The following MBTD1 variants were observed in gnomAD, a reference collection of about 807,000 sequenced individuals.
The protein encoded by MBTD1 is MBT domain-containing protein 1.
Under a neutral mutation model 87.8 loss-of-function variants are expected in MBTD1, and 24 were observed. The observed-to-expected ratio is 0.27, with a 90% CI of 0.20 to 0.38. The LOEUF (loss-of-function observed/expected upper bound fraction) is 0.38. Ranked by LOEUF, MBTD1 falls within the 10% of genes least tolerant of loss-of-function variation. The pLI is 1.00. For synonymous variants in MBTD1, 237 were observed against 248.6 expected, an observed-to-expected ratio of 0.95 and a Z score of 0.44; for missense variants, 436 against 760.2, an observed-to-expected ratio of 0.57 and a Z score of 5.02.
intron 3 of MBTD1, among the ~76,000 whole-genome samples, chr17:51,221,472 A>G (rs1216563691): frequency 2.0e-5 from 3 of 152,238 alleles, no homozygotes; most frequent in Non-Finnish European, 4.4e-5. Flanking sequence ...GAAGTTTAAA[A>G]AAGATAAACA....
intron 2 of MBTD1, among the ~76,000 whole-genome samples, chr17:51,247,366 A>G (rs1483099650): frequency 6.6e-6 from 1 of 151,914 alleles, no homozygotes; most frequent in Non-Finnish European, 1.5e-5. Flanking sequence ...ATAGTTTTTC[A>G]TTAGTATCTG....
intron 4 of MBTD1, among the ~76,000 whole-genome samples, chr17:51,219,845 T>C (rs1234751772): frequency 1.3e-5 from 2 of 152,224 alleles, no homozygotes; most frequent in Admixed American, 1.3e-4. Flanking sequence ...TTTCTTTCCA[T>C]ACCATGAGCG....
At chr17:51,181,537 T>G (rs1015371988) in intron 16 of MBTD1, among the ~76,000 whole-genome samples, 3 of 152,196 alleles carry the variant, frequency 2.0e-5, no homozygotes, top group African/African-American at 7.2e-5. Context: ...TGCAAGCCTG[T>G]AGTCCCAGCT....
intron 2 of MBTD1, among the ~76,000 whole-genome samples, chr17:51,238,004 A>C (rs1268345802): frequency 1.3e-5 from 2 of 152,184 alleles, no homozygotes; most frequent in African/African-American, 2.4e-5. Flanking sequence ...CCAGACCCAA[A>C]AACGTCTTAC....
intron 5 of MBTD1, 91 bp from the exon 6 acceptor site, chr17:51,217,507 A>C: frequency 1.7e-6 from 1 of 604,168 alleles, no homozygotes; most frequent in Non-Finnish European, 2.8e-6. Flanking sequence ...AAGGACATAA[A>C]ATTAATTTAT....
intron 12 of MBTD1, among the ~76,000 whole-genome samples, chr17:51,197,871 T>G (rs150966582): frequency 6.6e-6 from 1 of 152,290 alleles, no homozygotes; most frequent in African/African-American, 2.4e-5. Flanking sequence ...CCAATCAATC[T>G]TCTCATCTCT....
At chr17:51,205,520 A>G (rs2051767075) in intron 7 of MBTD1, among the ~76,000 whole-genome samples, 2 of 152,228 alleles carry the variant, frequency 1.3e-5, no homozygotes, top group Admixed American at 1.3e-4. Flanking sequence ...ATGCTTATAC[A>G]GCTGGGAAAA....
chr17:51,236,916 G>C (rs1260323229), intron 2 of MBTD1, among the ~76,000 whole-genome samples: 1 of 151,996 alleles, frequency 6.6e-6, no homozygotes, highest in Admixed American at 6.6e-5. Context: ...TAACGTAAGA[G>C]TTCTATAAAA....
chr17:51,192,684 T>C, intron 15 of MBTD1, 98 bp downstream of exon 15: 3 of 1,559,534 alleles, frequency 1.9e-6, no homozygotes, highest in Non-Finnish European at 2.6e-6. Flanking sequence ...CATAGGTATA[T>C]TCTTGTCCTG....
chr17:51,235,832 G>A (rs909136619), intron 2 of MBTD1, among the ~76,000 whole-genome samples: 1 of 152,092 alleles, frequency 6.6e-6, no homozygotes, highest in Admixed American at 6.5e-5. Flanking sequence ...AACTGCAAAG[G>A]CTCTAGAATA....
chr17:51,209,625 G>T (rs1216852249), intron 6 of MBTD1, among the ~76,000 whole-genome samples: 4 of 152,184 alleles, frequency 2.6e-5, no homozygotes, highest in Non-Finnish European at 4.4e-5. Flanking sequence ...CTCTCAGGAG[G>T]TTGATGCACT....
intron 2 of MBTD1, 39 bp from the exon 3 acceptor site, chr17:51,225,248 CT>C (rs2053143697): frequency 8.7e-6 from 10 of 1,148,544 alleles, no homozygotes; most frequent in Non-Finnish European, 1.2e-5. Flanking sequence ...TGACACAACA[CT>C]CATACACACC....
intron 2 of MBTD1, among the ~76,000 whole-genome samples, chr17:51,242,446 T>TG (rs1357862032): frequency 6.6e-6 from 1 of 152,226 alleles, no homozygotes; most frequent in African/African-American, 2.4e-5. Context: ...AAAAAACTGT[T>TG]GGAGTTTAGT....
rs1475013375 is a variant in MBTD1, at chr17:51,207,216, C to T, written c.487-211G>A. On this transcript the variant is annotated intron_variant, in intron 6 of 16. Transcript: ENST00000586178. ...TCACATATATTAGACTAGATTCATG[C>T]TGACTTCAAAATCTGATACTGTCCT... is the stretch of plus-strand genomic sequence containing the variant. Among the ~76,000 whole-genome samples, 4 of 152,140 alleles carry T rather than the reference C, an allele frequency of 2.6e-5. No individual in the cohort carries two copies. The East Asian group carries it at 5.8e-4, about 22-fold the overall frequency.
At chr17:51,237,802 C>T (rs543934582) in intron 2 of MBTD1, among the ~76,000 whole-genome samples, 5 of 152,044 alleles carry the variant, frequency 3.3e-5, no homozygotes, top group Non-Finnish European at 4.4e-5. Context: ...TATATATCTG[C>T]GAGAAATGAA....
At chr17:51,259,795 C>T in intron 1 of MBTD1, 40 bp downstream of exon 1, 12 of 1,232,648 alleles carry the variant, frequency 9.7e-6, no homozygotes, top group Non-Finnish European at 1.2e-5. Context: ...GGCGTCCCCC[C>T]CACCTGGCAC....
chr17:51,190,503 G>A lies in MBTD1; in HGVS notation c.1768+1700C>T, dbSNP rs544164703. Among the ~76,000 whole-genome samples, 7 of 151,482 alleles carry A rather than the reference G, an allele frequency of 4.6e-5. No individual in the cohort carries two copies. In the South Asian group the frequency reaches 6.3e-4, roughly 14 times the overall value. On this transcript the variant is annotated intron_variant, in intron 16 of 16. Transcript: ENST00000586178. ...GGAGACCAAGGCAGGCAGATGGATC[G>A]CTTGAGCCCAGGAGTTTGAGACCAG...
chr17:51,259,752 GA>G lies in MBTD1; in HGVS notation c.-113+82del. ...AAGCAGGCCAGGGAGCGGGGTCAGGGAGCTGCGGGGTTCCTGGGGTCGGAGA... is the reference window on the plus strand; with the variant it reads ...AAGCAGGCCAGGGAGCGGGGTCAGGGGCTGCGGGGTTCCTGGGGTCGGAGA... On this transcript the variant is annotated intron_variant, in intron 1 of 16. Transcript: ENST00000586178. 2.5e-6 allele frequency: 3 copies of G among 1,195,016 alleles called. No homozygotes were observed. The South Asian group carries it at 1.3e-4, about 51-fold the overall frequency. 74.0% of individuals were successfully genotyped at this position (1,195,016 alleles called of 1,614,324 possible).
chr17:51,189,061 G>A (rs924239619), intron 16 of MBTD1, among the ~76,000 whole-genome samples: 4 of 151,968 alleles, frequency 2.6e-5, no homozygotes, highest in Non-Finnish European at 5.9e-5. Flanking sequence ...CCTGGCCTCA[G>A]GAAGTTTTTT....
Sources: allele counts gnomAD v4.1 joint callset (sites outside exome capture counted in the v4.1 genomes callset), GRCh38; gene constraint gnomAD v4.1.1; transcripts MANE v1.5; gene names NCBI Gene and HGNC (gene_info 2026-07-23, HGNC 2026-07-21).